UPK3A: variants seen among roughly 807,000 people sequenced by gnomAD.
The protein encoded by UPK3A is uroplakin 3A.
A neutral mutation model predicts 27.6 loss-of-function variants in UPK3A; 32 were observed. The ratio of observed to expected loss-of-function variants is 1.16; its 90% CI spans 0.87 to 1.55. UPK3A has a LOEUF of 1.55. Ranked by LOEUF, UPK3A falls within the 40% of genes most tolerant of loss-of-function variation. UPK3A has a pLI of 0.00. For missense variants in UPK3A, 370 were observed against 367.9 expected (o/e 1.01, Z -0.05); for synonymous variants, 171 against 163.9 (o/e 1.04, Z -0.33).
At chr22:45,285,906 CG>C in intron 1 of UPK3A, 34 bp from the exon 2 acceptor site, 1 of 1,612,864 alleles carries the variant, frequency 6.2e-7, no homozygotes, top group East Asian at 2.2e-5. Context: ...ACAGTTCTGC[CG>C]GAGGTCAGTT....
chr22:45,292,270 T>C (rs1234958221), intron 4 of UPK3A, among the ~76,000 whole-genome samples: 4 of 152,136 alleles, frequency 2.6e-5, no homozygotes, highest in Non-Finnish European at 5.9e-5. Context: ...GTGGGGCCCA[T>C]CTGGGGGACA....
intron 4 of UPK3A, among the ~76,000 whole-genome samples, chr22:45,292,503 C>T (rs528102321): frequency 2.8e-4 from 42 of 152,332 alleles, no homozygotes; most frequent in East Asian, 5.8e-4. Flanking sequence ...TGACAGCCAC[C>T]GTCCACCTGG....
intron 3 of UPK3A, among the ~76,000 whole-genome samples, chr22:45,287,686 C>T (rs927258905): frequency 8.6e-5 from 13 of 151,848 alleles, no homozygotes; most frequent in South Asian, 2.1e-4. Flanking sequence ...TTTTTTGAGA[C>T]GGGGTCTCCA....
rs2084133519 is a variant in UPK3A, at chr22:45,288,242, G to A, written c.488+791G>A. ...TGGAGTTTCGCTCTTGTTGCCCAAG[G>A]TGGAGTGCAGTGGTGCAATCTCGGC... On this transcript the variant is annotated intron_variant, in intron 3 of 5. Coordinates refer to ENST00000216211, the MANE Select transcript of UPK3A (RefSeq NM_006953.4). Among the ~76,000 whole-genome samples, 2 of 151,580 alleles carry A rather than the reference G, an allele frequency of 1.3e-5. 1 individual carries two copies. The highest frequency in any genetic ancestry group is 4.2e-4 in the South Asian group (2 of 4,804).
intron 2 of UPK3A, among the ~76,000 whole-genome samples, chr22:45,286,692 A>C (rs1272670631): frequency 1.3e-5 from 2 of 152,114 alleles, no homozygotes; most frequent in African/African-American, 4.8e-5. Context: ...GTGTTTATTG[A>C]CTATAAACTA....
intron 2 of UPK3A, among the ~76,000 whole-genome samples, chr22:45,286,679 C>T (rs2084120385): frequency 6.6e-6 from 1 of 152,172 alleles, no homozygotes; most frequent in South Asian, 2.1e-4. Flanking sequence ...CTTCTTTCAG[C>T]ATGTGTTTAT....
intron 1 of UPK3A, 132 bp from the exon 2 acceptor site, chr22:45,285,809 C>T (rs1179366776): frequency 2.3e-6 from 3 of 1,317,862 alleles, no homozygotes; most frequent in East Asian, 5.0e-5. Flanking sequence ...GTGTCTGAGA[C>T]AGCTTATGCG....
chr22:45,295,471 A>G, intron 5 of UPK3A, 89 bp from the exon 6 acceptor site: 5 of 1,361,142 alleles, frequency 3.7e-6, no homozygotes, highest in East Asian at 2.3e-5. Context: ...TGTGAAAGCT[A>G]TGTCTGAGTA....
At chr22:45,292,690 G>T (rs1356368193) in intron 4 of UPK3A, among the ~76,000 whole-genome samples, 1 of 152,144 alleles carries the variant, frequency 6.6e-6, no homozygotes, top group Non-Finnish European at 1.5e-5. Flanking sequence ...GATTGCTTGA[G>T]CCCAAGAGCT....
chr22:45,286,765 G>A (rs960186720), intron 2 of UPK3A, among the ~76,000 whole-genome samples: 2 of 152,212 alleles, frequency 1.3e-5, no homozygotes. Context: ...ACTAGGGTCT[G>A]AAGAGGTAGA....
At chr22:45,285,142 C>T in intron 1 of UPK3A, 77 bp downstream of exon 1, 2 of 1,346,578 alleles carry the variant, frequency 1.5e-6, no homozygotes, top group Non-Finnish European at 2.0e-6. Context: ...GCCGCCTGGA[C>T]CCTGATTCCT....
chr22:45,286,910 A>T (rs2084121954), intron 2 of UPK3A, among the ~76,000 whole-genome samples: 1 of 152,168 alleles, frequency 6.6e-6, no homozygotes, highest in Admixed American at 6.5e-5. Context: ...ATGAAGAGAC[A>T]AAGGTCTGTT....
At position 45,292,462 on chromosome 22, in the gene UPK3A, G is replaced by T. The variant is rs536713351; in HGVS notation, c.572-719G>T. 9.2e-5 allele frequency among the ~76,000 whole-genome samples: 14 copies of T among 152,322 alleles called. No individual in the cohort carries two copies. In the South Asian group the frequency reaches 2.9e-3, roughly 32 times the overall value. ...GACCTATACATCATCTGTTCACAGCGTTCCAAAGGGTGAGGCCATCCCCAG... is the reference window on the plus strand; with the variant it reads ...GACCTATACATCATCTGTTCACAGCTTTCCAAAGGGTGAGGCCATCCCCAG... On this transcript the variant is annotated intron_variant, in intron 4 of 5. Coordinates refer to ENST00000216211, the MANE Select transcript of UPK3A (RefSeq NM_006953.4).
chr22:45,287,287 C>CT lies in UPK3A; in HGVS notation c.324_325insT (p.Pro109SerfsTer4). The CT allele has an allele frequency of 3.7e-6, 6 of 1,614,222 alleles. No homozygotes were observed. The highest frequency in any genetic ancestry group is 5.1e-6 in the Non-Finnish European group (6 of 1,180,044). ...ACAAAGCTGTGGCCTTTGACCTGATCCCCTGCAGTGACCTGCCCAGCCTGG... is the reference window on the plus strand; with the variant it reads ...ACAAAGCTGTGGCCTTTGACCTGATCTCCCTGCAGTGACCTGCCCAGCCTGG... On this transcript the variant is annotated frameshift_variant, in exon 3 of 6. Transcript: ENST00000216211. LOFTEE classifies it high-confidence loss of function.
Position 45,293,216 on chromosome 22 carries a change from C to A in UPK3A, c.607C>A (p.Arg203=), listed in dbSNP as rs200899354. Residue 203 remains arginine, a synonymous_variant, in exon 5 of 6, where the codon CGG becomes AGG. Coordinates refer to ENST00000216211, the MANE Select transcript of UPK3A (RefSeq NM_006953.4). ...PYSTIDTWPG[R]RSGGMIVITS... is the part of the protein sequence containing the mutation. Reference sequence around the variant, plus strand: ...CTCGACGATCGACACGTGGCCAGGCCGGCGGAGCGGAGGCATGATCGTCAT... The same window carrying A: ...CTCGACGATCGACACGTGGCCAGGCAGGCGGAGCGGAGGCATGATCGTCAT... 1 of 1,614,056 alleles carries A rather than the reference C, an allele frequency of 6.2e-7. No individual in the cohort carries two copies. The highest frequency in any genetic ancestry group is 1.3e-5 in the African/African-American group (1 of 75,060).
intron 4 of UPK3A, among the ~76,000 whole-genome samples, chr22:45,289,641 C>A (rs1305272344): frequency 6.6e-6 from 1 of 150,546 alleles, no homozygotes; most frequent in Non-Finnish European, 1.5e-5. Context: ...GTAATCCCAG[C>A]TACTTGGGAG....
At chr22:45,291,304 G>A (rs1181556026) in intron 4 of UPK3A, among the ~76,000 whole-genome samples, 1 of 149,882 alleles carries the variant, frequency 6.7e-6, no homozygotes, top group Non-Finnish European at 1.5e-5. Flanking sequence ...GGGGGTGTGT[G>A]TGAATGAGGG....
intron 5 of UPK3A, among the ~76,000 whole-genome samples, chr22:45,295,289 A>G (rs2084187428): frequency 6.6e-6 from 1 of 152,040 alleles, no homozygotes; most frequent in South Asian, 2.1e-4. Flanking sequence ...CTGCAACCTT[A>G]GCTCTTTGGG....
rs752870686 is a variant in UPK3A at position 45,289,131 on chromosome 22, C to T, written c.559C>T (p.Arg187Cys). ...EDQTLWSDPIRTNQLTPYSTI... is the reference protein window; with the variant it reads ...EDQTLWSDPICTNQLTPYSTI... The stretch of plus-strand genomic sequence containing the variant: ...CCAGACCCTGTGGTCAGACCCCATC[C>T]GCACCAACCAGCGTAAGTGGTGGGC... The change falls in exon 4 of 6, where the codon CGC (arginine) becomes TGC (cysteine). Residue 187 changes from arginine (R) to cysteine (C), a missense_variant. By Grantham distance (180) the Arg-to-Cys change is radical. Transcript: ENST00000216211. 41 of 1,613,972 alleles carry T rather than the reference C, an allele frequency of 2.5e-5. No individual in the cohort carries two copies. The Middle Eastern group carries it at 8.2e-4, about 32-fold the overall frequency.
Sources: allele counts gnomAD v4.1 joint callset (sites outside exome capture counted in the v4.1 genomes callset), GRCh38; gene constraint gnomAD v4.1.1; transcripts MANE v1.5; gene names NCBI Gene and HGNC (gene_info 2026-07-23, HGNC 2026-07-21).